KPNA7: variants seen among roughly 807,000 people sequenced by gnomAD.
The protein encoded by KPNA7 is karyopherin subunit alpha 7.
Under a neutral mutation model 53.7 loss-of-function variants are expected in KPNA7, and 54 were observed. That is an observed-to-expected ratio of 1.01 (90% CI 0.81 to 1.26). KPNA7 has a LOEUF of 1.26. Ranked by LOEUF, KPNA7 falls within the 50% of genes most tolerant of loss-of-function variation. The pLI is 0.00. For synonymous variants in KPNA7, 276 were observed against 259.3 expected (o/e 1.06, Z -0.62); for missense variants, 640 against 644.5 (o/e 0.99, Z 0.07).
chr7:99,209,368 C>CCA (rs1293574548), upstream of KPNA7, among the ~76,000 whole-genome samples: 3 of 152,050 alleles, frequency 2.0e-5, no homozygotes, highest in Non-Finnish European at 4.4e-5. Context: ...CACCTCTTAC[C>CCA]CACACTACTG....
chr7:99,193,741 A>G (rs13238146), intron 5 of KPNA7, among the ~76,000 whole-genome samples: 12,904 of 151,606 alleles, frequency 0.085, 577 homozygotes, highest in South Asian at 0.15. Flanking sequence ...GCAGTGGTGC[A>G]ATCATAGCTC....
chr7:99,188,371 C>T lies in KPNA7; in HGVS notation c.829G>A (p.Gly277Ser), dbSNP rs900159181. The T allele has an allele frequency of 4.5e-6, 7 of 1,551,538 alleles. No homozygotes were observed. Among genetic ancestry groups the T allele is most frequent in the Non-Finnish European group, 5.2e-6 (6 of 1,146,996 alleles). ...AGGACCCCCGTGTTAACCACTTGGCCGATGCGCTTGTTGGAGCCGTCGGTG... is the reference window on the plus strand; with the variant it reads ...AGGACCCCCGTGTTAACCACTTGGCTGATGCGCTTGTTGGAGCCGTCGGTG... The part of the protein sequence containing the change: ...YLTDGSNKRI[G>S]QVVNTGVLPR... The change falls in exon 7 of 11, where the codon GGC becomes AGC. Residue 277 changes from glycine to serine, a missense_variant. Coordinates refer to ENST00000327442, the MANE Select transcript of KPNA7 (RefSeq NM_001145715.3).
downstream of KPNA7, among the ~76,000 whole-genome samples, chr7:99,171,089 G>A (rs369109295): frequency 6.6e-6 from 1 of 152,072 alleles, no homozygotes; most frequent in Non-Finnish European, 1.5e-5. Flanking sequence ...GCGTGTTCGC[G>A]GGCGCCCGTG....
intron 9 of KPNA7, 149 bp from the exon 10 acceptor site, chr7:99,178,215 A>G (rs1249688215): frequency 7.4e-6 from 5 of 677,890 alleles, no homozygotes; most frequent in Non-Finnish European, 1.2e-5. Context: ...CTTTTCCCAA[A>G]TTGGTTGAAA....
chr7:99,178,809 GTC>G (rs1799030595), intron 9 of KPNA7, among the ~76,000 whole-genome samples: 1 of 115,268 alleles, frequency 8.7e-6, no homozygotes, highest in Non-Finnish European at 1.8e-5. Flanking sequence ...AAAAAAAAGA[GTC>G]TCGCTCTATC....
At chr7:99,217,794 C>T (rs1204116809) in intron 1 of KPNA7, among the ~76,000 whole-genome samples, 1 of 151,782 alleles carries the variant, frequency 6.6e-6, no homozygotes, top group Non-Finnish European at 1.5e-5. Flanking sequence ...CCACACCCAG[C>T]TAATTTTTGT....
At chr7:99,203,389 GCT>G (rs1790649356) in intron 2 of KPNA7, 149 bp from the exon 3 acceptor site, 4 of 716,126 alleles carry the variant, frequency 5.6e-6, no homozygotes, top group Non-Finnish European at 6.8e-6. Context: ...AATCATCTCA[GCT>G]CTGTTTACCT....
At chr7:99,179,491 G>A (rs1257479888) in intron 9 of KPNA7, among the ~76,000 whole-genome samples, 1 of 152,030 alleles carries the variant, frequency 6.6e-6, no homozygotes, top group Admixed American at 6.6e-5. Flanking sequence ...AGGAAGTTGA[G>A]GCTGCAGTGA....
At chr7:99,188,174 C>CAAAA (rs59219718) in intron 7 of KPNA7, 126 bp downstream of exon 7, 5,070 of 387,474 alleles carry the variant, frequency 0.013, 140 homozygotes, top group South Asian at 0.024. Context: ...GACTCTGTCT[C>CAAAA]AAAAAAAAAA....
the KPNA7 span, among the ~76,000 whole-genome samples, chr7:99,160,938 C>G: frequency 6.6e-6 from 1 of 152,074 alleles, no homozygotes; most frequent in East Asian, 1.9e-4. Flanking sequence ...ATGATGTCAG[C>G]TCACTGCAAC....
At chr7:99,170,460 G>A (rs562603230), downstream of KPNA7, among the ~76,000 whole-genome samples, 10 of 29,746 alleles carry the variant, frequency 3.4e-4, no homozygotes, top group African/African-American at 1.3e-3. Context: ...GAGAGGATCC[G>A]TTTCAGTGGG....
At chr7:99,186,744 A>AAAC (rs375324904) in intron 7 of KPNA7, among the ~76,000 whole-genome samples, 28 of 151,972 alleles carry the variant, frequency 1.8e-4, no homozygotes, top group South Asian at 4.2e-4. Flanking sequence ...CTTTGTCAAA[A>AAAC]AACAACAACA....
chr7:99,177,284 CTG>C (rs1241317643), intron 10 of KPNA7, among the ~76,000 whole-genome samples: 1 of 152,026 alleles, frequency 6.6e-6, no homozygotes, highest in Admixed American at 6.6e-5. Flanking sequence ...AAGATAAAAA[CTG>C]TTGTGGAGAC....
downstream of KPNA7, among the ~76,000 whole-genome samples, chr7:99,169,883 A>G (rs1798740284): frequency 6.6e-6 from 1 of 152,108 alleles, no homozygotes; most frequent in African/African-American, 2.4e-5. Context: ...TCTACTAAAA[A>G]TACAAAAATT....
At chr7:99,191,953 G>A (rs1789978486) in intron 6 of KPNA7, among the ~76,000 whole-genome samples, 2 of 152,260 alleles carry the variant, frequency 1.3e-5, no homozygotes, top group East Asian at 1.9e-4. Flanking sequence ...CCCAGATGAA[G>A]GTTTTGAACA....
chr7:99,173,062 C>CAAAAAAAAAAAAAAA (rs923484332), downstream of KPNA7, among the ~76,000 whole-genome samples: 36 of 57,118 alleles, frequency 6.3e-4, no homozygotes, highest in African/African-American at 1.2e-3. Flanking sequence ...AACTCCATCT[C>CAAAAAAAAAAAAAAA]AAAAAAAAAA....
At chr7:99,214,528 T>C (rs1168584070) in intron 1 of KPNA7, among the ~76,000 whole-genome samples, 1 of 144,222 alleles carries the variant, frequency 6.9e-6, no homozygotes, top group Non-Finnish European at 1.5e-5. Flanking sequence ...CTTGGGAGGC[T>C]GAGGAGGGAG....
chr7:99,187,046 G>A (rs1335677356), intron 7 of KPNA7, among the ~76,000 whole-genome samples: 2 of 152,078 alleles, frequency 1.3e-5, no homozygotes, highest in African/African-American at 4.8e-5. Flanking sequence ...CAGCACTTTG[G>A]GAGGCTGAGG....
the KPNA7 span, among the ~76,000 whole-genome samples, chr7:99,167,287 C>T: frequency 6.6e-6 from 1 of 152,198 alleles, no homozygotes; most frequent in Non-Finnish European, 1.5e-5. Context: ...CTTAGCACAG[C>T]AGTCTCTAAT....
Sources: gnomAD v4.1 joint callset for allele counts (sites outside exome capture counted in the v4.1 genomes callset) on GRCh38, gnomAD v4.1.1 for gene constraint, MANE v1.5 for transcripts, NCBI Gene and HGNC (gene_info 2026-07-23, HGNC 2026-07-21) for gene names.